The following NARS2 variants were observed in gnomAD, a reference collection of about 807,000 sequenced individuals.
NARS2 encodes the protein asparaginyl-tRNA synthetase 2, mitochondrial.
NARS2 carries 60 observed loss-of-function variants against 62.9 expected under a neutral mutation model. That is an observed-to-expected ratio of 0.95 (90% CI 0.77 to 1.18). The LOEUF (loss-of-function observed/expected upper bound fraction) is 1.18. Among genes scored for constraint, NARS2 ranks in the 50% most tolerant of loss-of-function variants. NARS2 has a pLI of 0.00. For synonymous variants in NARS2, 196 were observed against 200.0 expected (o/e 0.98, Z 0.17); for missense variants, 619 against 576.4 (o/e 1.07, Z -0.76).
At chr11:78,554,372 T>C (rs577062365) in intron 5 of NARS2, among the ~76,000 whole-genome samples, 2 of 152,344 alleles carry the variant, frequency 1.3e-5, no homozygotes, top group East Asian at 3.9e-4. Context: ...TTTAATGATA[T>C]TGATTCTTCC....
At chr11:78,502,730 C>T (rs1860328389) in intron 6 of NARS2, among the ~76,000 whole-genome samples, 1 of 152,210 alleles carries the variant, frequency 6.6e-6, no homozygotes, top group Admixed American at 6.5e-5. Flanking sequence ...GCGCCTCACG[C>T]CTGTAATCCC....
intron 6 of NARS2, among the ~76,000 whole-genome samples, chr11:78,521,027 C>T (rs574848059): frequency 6.7e-6 from 1 of 148,578 alleles, no homozygotes; most frequent in African/African-American, 2.5e-5. Flanking sequence ...CCACTGCACT[C>T]CAGCCTGGGC....
rs148428172 is a variant in NARS2, at chr11:78,451,307, T to C, written c.1165-7549A>G. ...ATTGAAATTCCAGGTAGAATTCTTC[T>C]ACCTTGTATCTCCCCCTGATAACAA... On this transcript the variant is annotated intron_variant, in intron 11 of 13. Transcript: ENST00000281038. 4.6e-5 allele frequency among the ~76,000 whole-genome samples: 7 copies of C among 152,372 alleles called. No individual in the cohort carries two copies. In the East Asian group the frequency reaches 1.3e-3, roughly 29 times the overall value.
chr11:78,501,511 C>G (rs1021604735), intron 6 of NARS2, among the ~76,000 whole-genome samples: 2 of 152,166 alleles, frequency 1.3e-5, no homozygotes, highest in Non-Finnish European at 2.9e-5. Context: ...TAGTTCAGGG[C>G]TCTACCTCTG....
chr11:78,567,959 C>G (rs10793335), intron 3 of NARS2, among the ~76,000 whole-genome samples: 107,844 of 152,074 alleles, frequency 0.71, 38,827 homozygotes, highest in Non-Finnish European at 0.79. Flanking sequence ...TAAAGAATTT[C>G]ATTAATAATC....
At chr11:78,574,104 G>C (rs535881402) in intron 1 of NARS2, among the ~76,000 whole-genome samples, 36 of 152,286 alleles carry the variant, frequency 2.4e-4, no homozygotes, top group African/African-American at 7.2e-4. Flanking sequence ...CTTTTGGTAT[G>C]ATTAACAAGT....
chr11:78,467,362 C>T (rs1474656605), intron 10 of NARS2, among the ~76,000 whole-genome samples: 2 of 151,820 alleles, frequency 1.3e-5, no homozygotes, highest in African/African-American at 4.9e-5. Context: ...GGCAACATAA[C>T]CCTGTCTCTA....
rs1055929634 is a variant in NARS2, at chr11:78,488,622, G to A, written c.822+4441C>T. On this transcript the variant is annotated intron_variant, in intron 7 of 13. Coordinates refer to ENST00000281038, the MANE Select transcript of NARS2 (RefSeq NM_024678.6). ...TTTAACCCACCAGGTTTGTGGTGACGTGTTATAGCAGCAATAGGAAATTAA... is the reference window on the plus strand; with the variant it reads ...TTTAACCCACCAGGTTTGTGGTGACATGTTATAGCAGCAATAGGAAATTAA... Among the ~76,000 whole-genome samples, 8 of 152,158 alleles carry A rather than the reference G, an allele frequency of 5.3e-5. No homozygotes were observed. The East Asian group carries it at 7.7e-4, about 15-fold the overall frequency.
intron 6 of NARS2, among the ~76,000 whole-genome samples, chr11:78,516,544 C>G (rs1565252409): frequency 6.6e-6 from 1 of 152,192 alleles, no homozygotes; most frequent in Non-Finnish European, 1.5e-5. Flanking sequence ...TCTTGCTCAT[C>G]AGACTCTATA....
intron 11 of NARS2, among the ~76,000 whole-genome samples, chr11:78,445,924 G>A (rs1286898710): frequency 6.6e-6 from 1 of 152,128 alleles, no homozygotes; most frequent in Non-Finnish European, 1.5e-5. Flanking sequence ...TATACCACCT[G>A]TACTCTAGTC....
chr11:78,517,559 TAA>T (rs1860960212), intron 6 of NARS2, among the ~76,000 whole-genome samples: 1 of 152,226 alleles, frequency 6.6e-6, no homozygotes, highest in East Asian at 1.9e-4. Context: ...TTTTCCATTA[TAA>T]CCCTCTACCT....
rs7927780 is a variant in NARS2 at position 78,492,659 on chromosome 11, T to C, written c.822+404A>G. Among the ~76,000 whole-genome samples the C allele has an allele frequency of 1.4e-3, 219 of 152,294 alleles. 2 individuals carry two copies. Among genetic ancestry groups the C allele is most frequent in the African/African-American group, 4.9e-3 (205 of 41,560 alleles). On this transcript the variant is annotated intron_variant, in intron 7 of 13. Transcript: ENST00000281038. ...GACATTTATATAATTATAAAGATGT[T>C]TGGTATATTTTCCTAGCAAATCAGA...
At chr11:78,460,237 T>C (rs1297941486) in intron 11 of NARS2, among the ~76,000 whole-genome samples, 3 of 151,778 alleles carry the variant, frequency 2.0e-5, no homozygotes, top group East Asian at 1.9e-4. Flanking sequence ...GGCCACTGAA[T>C]GGCTTTAAGA....
At chr11:78,519,945 G>C (rs1225354786) in intron 6 of NARS2, among the ~76,000 whole-genome samples, 3 of 151,938 alleles carry the variant, frequency 2.0e-5, no homozygotes, top group African/African-American at 7.3e-5. Context: ...CGCCTGTCTT[G>C]GCCTCCCAAA....
intron 13 of NARS2, among the ~76,000 whole-genome samples, chr11:78,438,804 C>T (rs559642906): frequency 7.0e-4 from 106 of 152,294 alleles, no homozygotes; most frequent in Non-Finnish European, 1.4e-3. Context: ...GGTGGCTTCT[C>T]ACCGTATGGT....
At chr11:78,528,253 A>G (rs1348620516) in intron 6 of NARS2, among the ~76,000 whole-genome samples, 2 of 152,192 alleles carry the variant, frequency 1.3e-5, no homozygotes, top group Non-Finnish European at 2.9e-5. Flanking sequence ...AATGGGAATT[A>G]CCCACAGAAT....
rs764154042 is a variant in NARS2, at chr11:78,478,645, A to C, written c.861T>G (p.Val287=). 1 of 1,612,114 alleles carries C rather than the reference A, an allele frequency of 6.2e-7. No individual in the cohort carries two copies. Among genetic ancestry groups the C allele is most frequent in the Admixed American group, 1.7e-5 (1 of 59,666 alleles). Residue 287 remains valine, a synonymous_variant, in exon 8 of 14, where the codon GTT becomes GTG. Transcript: ENST00000281038. ...EELFKATTMM[V]LSKCPEDVEL... ...CAACATCTTCAGGACATTTTGAGAG[A>C]ACCATCATTGTTGTAGCCTTGAACA...
chr11:78,542,445 T>C (rs1329793889), intron 5 of NARS2, among the ~76,000 whole-genome samples: 2 of 152,152 alleles, frequency 1.3e-5, no homozygotes, highest in Non-Finnish European at 2.9e-5. Context: ...TTTTTCACTA[T>C]TGCTTGAAAA....
intron 9 of NARS2, among the ~76,000 whole-genome samples, chr11:78,473,843 T>G (rs1237404820): frequency 5.3e-5 from 8 of 152,232 alleles, no homozygotes; most frequent in Non-Finnish European, 1.2e-4. Context: ...TCTAGCTTTG[T>G]GTGTATATCT....
Sources: allele counts gnomAD v4.1 joint callset (sites outside exome capture counted in the v4.1 genomes callset), GRCh38; gene constraint gnomAD v4.1.1; transcripts MANE v1.5; gene names NCBI Gene and HGNC (gene_info 2026-07-23, HGNC 2026-07-21).